Variants in IL1RAPL1 observed in about 807,000 individuals in gnomAD.
IL1RAPL1 encodes the protein interleukin 1 receptor accessory protein like 1, also known as interleukin-1 receptor accessory protein-like 1.
A neutral mutation model predicts 48.4 loss-of-function variants in IL1RAPL1; 3 were observed. The observed-to-expected ratio is 0.06, with a 90% CI of 0.03 to 0.16. IL1RAPL1 has a LOEUF of 0.16. IL1RAPL1 is among the 10% of genes least tolerant of loss of function. The pLI is 1.00. For missense variants in IL1RAPL1, 349 were observed against 530.6 expected (o/e 0.66, Z 3.36); for synonymous variants, 185 against 187.7 (o/e 0.99, Z 0.12).
chrX:29,004,543 G>A (rs956332510), intron 2 of IL1RAPL1, among the ~76,000 whole-genome samples: 3 of 112,337 alleles, frequency 2.7e-5, no homozygotes, highest in African/African-American at 9.7e-5. Flanking sequence ...AGTTATCTTT[G>A]AGTATTTAGT....
intron 5 of IL1RAPL1, among the ~76,000 whole-genome samples, chrX:29,437,301 G>A (rs1356820327): frequency 9.0e-6 from 1 of 110,555 alleles, no homozygotes; most frequent in East Asian, 2.8e-4. Flanking sequence ...AGCTAAGATA[G>A]TCCAATATAT....
At chrX:28,968,136 T>C (rs1369713872) in intron 2 of IL1RAPL1, among the ~76,000 whole-genome samples, 1 of 111,928 alleles carries the variant, frequency 8.9e-6, no homozygotes, top group Non-Finnish European at 1.9e-5. Flanking sequence ...ATCTCCTTTA[T>C]AAAATGTAAT....
At chrX:29,716,282 T>G (rs1398327358) in intron 6 of IL1RAPL1, among the ~76,000 whole-genome samples, 1 of 110,760 alleles carries the variant, frequency 9.0e-6, no homozygotes, top group Non-Finnish European at 1.9e-5. Context: ...AAGAAATAAC[T>G]CTCTTTGGCT....
intron 6 of IL1RAPL1, among the ~76,000 whole-genome samples, chrX:29,699,041 G>A (rs773533833): frequency 8.9e-6 from 1 of 112,028 alleles, no homozygotes; most frequent in African/African-American, 3.2e-5. Flanking sequence ...ATAAGATTAT[G>A]TATCTGTTTA....
At chrX:29,524,017 A>C (rs890878519) in intron 5 of IL1RAPL1, among the ~76,000 whole-genome samples, 3 of 110,894 alleles carry the variant, frequency 2.7e-5, no homozygotes, top group Admixed American at 9.6e-5. Flanking sequence ...TAAACTAAAA[A>C]AAAATCTTTT....
At chrX:29,551,101 A>G (rs924905492) in intron 5 of IL1RAPL1, among the ~76,000 whole-genome samples, 1 of 112,251 alleles carries the variant, frequency 8.9e-6, no homozygotes, top group African/African-American at 3.2e-5. Flanking sequence ...TTTACTTATC[A>G]TAATGTCTTC....
chrX:29,739,277 C>A (rs970763237), intron 6 of IL1RAPL1, among the ~76,000 whole-genome samples: 1 of 112,594 alleles, frequency 8.9e-6, no homozygotes, highest in Non-Finnish European at 1.9e-5. Context: ...TAATGAATAA[C>A]AGATTATACA....
intron 5 of IL1RAPL1, among the ~76,000 whole-genome samples, chrX:29,407,672 T>C (rs891169705): frequency 8.9e-6 from 1 of 111,891 alleles, no homozygotes; most frequent in African/African-American, 3.2e-5. Context: ...GGAAAGGATT[T>C]GCTCATTAAA....
chrX:29,950,756 A>T (rs1023010499), intron 9 of IL1RAPL1, among the ~76,000 whole-genome samples: 1 of 106,099 alleles, frequency 9.4e-6, no homozygotes, highest in African/African-American at 3.5e-5. Flanking sequence ...GGCTCACTGC[A>T]AGCTCCGCCT....
At chrX:29,435,653 G>C (rs1313545975) in intron 5 of IL1RAPL1, among the ~76,000 whole-genome samples, 2 of 109,934 alleles carry the variant, frequency 1.8e-5, no homozygotes, top group African/African-American at 6.6e-5. Flanking sequence ...TTTCAAACAT[G>C]GTATGTGTCT....
chrX:29,193,328 A>C (rs977372560), intron 2 of IL1RAPL1, among the ~76,000 whole-genome samples: 18 of 111,188 alleles, frequency 1.6e-4, no homozygotes, highest in African/African-American at 5.5e-4. Context: ...TAAATGTCTT[A>C]TATAACACAA....
At chrX:29,782,671 AGTG>A (rs952332337) in intron 6 of IL1RAPL1, among the ~76,000 whole-genome samples, 5 of 111,173 alleles carry the variant, frequency 4.5e-5, no homozygotes, top group Non-Finnish European at 9.4e-5. Flanking sequence ...GTCCCATAGA[AGTG>A]GTCATTTAGC....
intron 1 of IL1RAPL1, among the ~76,000 whole-genome samples, chrX:28,625,716 C>A (rs1270948736): frequency 1.9e-5 from 2 of 104,675 alleles, no homozygotes; most frequent in Non-Finnish European, 3.9e-5. Flanking sequence ...GACTAAGAAC[C>A]CAAAGGAGCT....
At chrX:28,824,045 A>C (rs1936965964) in intron 2 of IL1RAPL1, among the ~76,000 whole-genome samples, 1 of 111,556 alleles carries the variant, frequency 9.0e-6, no homozygotes, top group Non-Finnish European at 1.9e-5. Flanking sequence ...TAAAAATGTA[A>C]ATTGTTTTAC....
intron 2 of IL1RAPL1, among the ~76,000 whole-genome samples, chrX:29,004,221 C>G (rs1381437171): frequency 1.8e-5 from 2 of 111,915 alleles, no homozygotes; most frequent in African/African-American, 6.5e-5. Flanking sequence ...ATCATACTTG[C>G]AAGTAAAAAT....
At chrX:29,500,232 C>T (rs981000398) in intron 5 of IL1RAPL1, among the ~76,000 whole-genome samples, 11 of 112,057 alleles carry the variant, frequency 9.8e-5, no homozygotes, top group African/African-American at 3.2e-4. Flanking sequence ...CCTCCCATCT[C>T]GGCCTCCCAA....
intron 1 of IL1RAPL1, among the ~76,000 whole-genome samples, chrX:28,645,698 T>C (rs1934601439): frequency 8.9e-6 from 1 of 111,844 alleles, no homozygotes; most frequent in South Asian, 3.7e-4. Flanking sequence ...AATTTAGAAA[T>C]GAGAGAGAAG....
intron 3 of IL1RAPL1, among the ~76,000 whole-genome samples, chrX:29,388,412 A>G (rs1313028485): frequency 3.6e-5 from 4 of 112,117 alleles, no homozygotes; most frequent in Non-Finnish European, 7.5e-5. Context: ...CATATGACCC[A>G]GCAATTCAAA....
At chrX:28,600,133 T>C (rs1350533961) in intron 1 of IL1RAPL1, among the ~76,000 whole-genome samples, 2 of 112,073 alleles carry the variant, frequency 1.8e-5, no homozygotes, top group South Asian at 7.5e-4. Flanking sequence ...GACAAGATCG[T>C]ATTTTTTCTC....
Sources: allele counts gnomAD v4.1 joint callset (sites outside exome capture counted in the v4.1 genomes callset), GRCh38; gene constraint gnomAD v4.1.1; transcripts MANE v1.5; gene names NCBI Gene and HGNC (gene_info 2026-07-23, HGNC 2026-07-21).